The following COL2A1 variants were observed in gnomAD, a reference collection of about 807,000 sequenced individuals.
COL2A1 encodes collagen alpha-1(II) chain.
A neutral mutation model predicts 204.5 loss-of-function variants in COL2A1; 28 were observed. The observed-to-expected ratio is 0.14, with a 90% confidence interval of 0.10 to 0.19. COL2A1 has a LOEUF of 0.19. Ranked by LOEUF, COL2A1 falls within the 10% of genes least tolerant of loss-of-function variation. COL2A1 has a pLI of 1.00. For synonymous variants in COL2A1, 708 were observed against 718.7 expected (o/e 0.99, Z 0.24); for missense variants, 1,388 against 2,027.5 (o/e 0.68, Z 6.06).
In COL2A1 at chr12:47,983,390, C is replaced by T; in HGVS notation, c.2044G>A (p.Asp682Asn). 6.2e-7 allele frequency: 1 copy of T among 1,614,092 alleles called. No homozygotes were observed. The highest frequency in any genetic ancestry group is 1.3e-5 in the African/African-American group (1 of 75,060). The change falls in exon 31 of 54, where the codon GAC becomes AAC. Residue 682 changes from aspartate (D) to asparagine (N), a missense_variant. Coordinates refer to ENST00000380518, the MANE Select transcript of COL2A1 (RefSeq NM_001844.5). ...CCAAAGAGCCCCATACTCACCTGGT[C>T]ACCTGGTTTTCCACCTTCACCTGGG... ...GPPGEGGKPG[D>N]QGVPGEAGAP...
rs1257570365 is a variant in COL2A1 at position 47,978,433 on chromosome 12, G to T, written c.2896-35C>A. 1 of 1,604,236 alleles carries T rather than the reference G, an allele frequency of 6.2e-7. No individual in the cohort carries two copies. The stretch of plus-strand genomic sequence containing the variant: ...GAGAGGCAGGAGATGAGAACTGACA[G>T]TGGCCCAGCCTCTTCTGTCCTCTCA... On this transcript the variant is annotated intron_variant, in intron 42 of 53. Coordinates refer to ENST00000380518, the MANE Select transcript of COL2A1 (RefSeq NM_001844.5). The surrounding 1 kb of genome is among the most constrained non-coding windows in gnomAD (Gnocchi z 5.5).
chr12:47,979,885 G>C (rs1033346537), intron 40 of COL2A1, 124 bp downstream of exon 40: 16 of 905,308 alleles, frequency 1.8e-5, no homozygotes, highest in Non-Finnish European at 2.7e-5. Flanking sequence ...GGTGGGCTTA[G>C]GCTGGGGACC....
intron 3 of COL2A1, 51 bp from the exon 4 acceptor site, chr12:47,998,252 C>A (rs1430500321): frequency 6.2e-7 from 1 of 1,613,262 alleles, no homozygotes; most frequent in South Asian, 1.1e-5. Flanking sequence ...CACTAAGCCC[C>A]TAGTCTAAAA....
chr12:48,005,009 G>C (rs967531108), upstream of COL2A1, among the ~76,000 whole-genome samples: 1 of 152,310 alleles, frequency 6.6e-6, no homozygotes, highest in Middle Eastern at 3.4e-3. Flanking sequence ...TTGGAGACAG[G>C]CTAGCTGAGC....
In COL2A1 at chr12:47,978,893, C is replaced by G. The variant is rs1173110118; in HGVS notation, c.2734-135G>C. On this transcript the variant is annotated intron_variant, in intron 41 of 53. Coordinates refer to ENST00000380518, the MANE Select transcript of COL2A1 (RefSeq NM_001844.5). The surrounding 1 kb of genome is among the most constrained non-coding windows in gnomAD (Gnocchi z 5.5). Reference sequence around the variant, plus strand: ...ACCTCCCCACACTAAGGGCAGGCAGCTTAACCCCCCCAACCCCAATCTACC... The same window carrying G: ...ACCTCCCCACACTAAGGGCAGGCAGGTTAACCCCCCCAACCCCAATCTACC... The G allele has an allele frequency of 2.4e-5, 21 of 891,460 alleles. No homozygotes were observed. Among genetic ancestry groups the G allele is most frequent in the Non-Finnish European group, 3.6e-5 (20 of 561,666 alleles). The allele number at this position is 891,460 out of a possible 1,614,324, so 55.2% of individuals were successfully genotyped here.
intron 14 of COL2A1, 141 bp from the exon 15 acceptor site, chr12:47,993,643 C>G (rs1056681469): frequency 1.9e-6 from 2 of 1,076,878 alleles, no homozygotes; most frequent in African/African-American, 3.1e-5. Flanking sequence ...ATGCCCTGAG[C>G]TCTCCAGGCC....
intron 5 of COL2A1, 31 bp from the exon 6 acceptor site, chr12:47,997,955 C>T: frequency 6.2e-7 from 1 of 1,614,164 alleles, no homozygotes; most frequent in Non-Finnish European, 8.5e-7. Flanking sequence ...AAGATGACAG[C>T]AAGGCCAGGA....
intron 3 of COL2A1, 39 bp downstream of exon 3, chr12:47,998,376 C>CA (rs745936878): frequency 3.2e-6 from 5 of 1,570,482 alleles, no homozygotes; most frequent in South Asian, 2.3e-5. Flanking sequence ...AATATAAAGC[C>CA]AAAAAAATAT....
chr12:47,994,654 C>A (rs978173474), intron 11 of COL2A1, among the ~76,000 whole-genome samples, 177 bp from the exon 12 acceptor site: 5 of 152,224 alleles, frequency 3.3e-5, no homozygotes, highest in African/African-American at 9.6e-5. Context: ...ACCATTTATT[C>A]TTTTGGACAC....
chr12:47,985,150 C>T, intron 26 of COL2A1, 57 bp from the exon 27 acceptor site: 1 of 1,410,442 alleles, frequency 7.1e-7, no homozygotes, highest in South Asian at 1.2e-5. Flanking sequence ...TCCATCCACC[C>T]AACATCCACT....
rs1938982800 is a variant in COL2A1 at position 47,980,318 on chromosome 12, C to G, written c.2625+236G>C. Among the ~76,000 whole-genome samples, 1 of 152,162 alleles carries G rather than the reference C, an allele frequency of 6.6e-6. No individual in the cohort carries two copies. Among genetic ancestry groups the G allele is most frequent in the Non-Finnish European group, 1.5e-5 (1 of 68,000 alleles). The stretch of plus-strand genomic sequence containing the variant: ...CCCGGGAAGCTCTTCCTGCCACCGC[C>G]CCCTCCTCCCCAGGAGATCAGCAGC... On this transcript the variant is annotated intron_variant, in intron 39 of 53. Coordinates refer to ENST00000380518, the MANE Select transcript of COL2A1 (RefSeq NM_001844.5). The surrounding 1 kb of genome is among the most constrained non-coding windows in gnomAD (Gnocchi z 4.5).
At chr12:47,986,958 T>C in intron 21 of COL2A1, 70 bp from the exon 22 acceptor site, 1 of 1,603,566 alleles carries the variant, frequency 6.2e-7, no homozygotes, top group Non-Finnish European at 8.5e-7. Context: ...GAACCCCTGT[T>C]CAAGATGCCC....
chr12:47,995,338 T>C, intron 10 of COL2A1, 30 bp from the exon 11 acceptor site: 2 of 1,585,070 alleles, frequency 1.3e-6, no homozygotes, highest in Non-Finnish European at 1.7e-6. Flanking sequence ...GTTTAAGAGA[T>C]GGTTATAGTG....
At chr12:47,989,886 C>T (rs143136102) in intron 16 of COL2A1, 81 bp from the exon 17 acceptor site, 39 of 1,373,774 alleles carry the variant, frequency 2.8e-5, no homozygotes, top group African/African-American at 2.0e-4. Flanking sequence ...TTACAGAAAA[C>T]GAAGGACACA....
In COL2A1 at chr12:47,986,902, G is replaced by T; in HGVS notation, c.1366-14C>A. 1 of 1,614,126 alleles carries T rather than the reference G, an allele frequency of 6.2e-7. No individual in the cohort carries two copies. On this transcript the variant is annotated splice_polypyrimidine_tract_variant and intron_variant, in intron 21 of 53. Transcript: ENST00000380518. ...ACCAGGTTCACCCTTGAAAAGAGAG[G>T]CAGGTCCTCACACCAGATTCTCTCC... is the stretch of plus-strand genomic sequence containing the variant.
At chr12:47,991,465 C>G (rs530619511) in intron 16 of COL2A1, among the ~76,000 whole-genome samples, 1 of 152,154 alleles carries the variant, frequency 6.6e-6, no homozygotes, top group Non-Finnish European at 1.5e-5. Context: ...CTGCACAGCC[C>G]CCTTCTGGAA....
At chr12:47,984,452 G>C in intron 28 of COL2A1, 94 bp downstream of exon 28, 2 of 1,311,088 alleles carry the variant, frequency 1.5e-6, no homozygotes, top group Non-Finnish European at 2.2e-6. Context: ...ATACTGAGGG[G>C]TCCCGGGACC....
Position 47,972,981 on chromosome 12 carries a change from C to A in COL2A1, c.*426G>T. 2.0e-6 allele frequency: 1 copy of A among 494,834 alleles called. No homozygotes were observed. Among genetic ancestry groups the A allele is most frequent in the Non-Finnish European group, 3.5e-6 (1 of 283,316 alleles). The allele number at this position is 494,834 out of a possible 1,614,324, so 30.7% of individuals were successfully genotyped here. A position where few individuals can be genotyped will look rare whatever the true frequency, so the allele number is the denominator to read the frequency against. On this transcript the variant is annotated 3_prime_UTR_variant, in exon 54 of 54. Transcript: ENST00000380518. The stretch of plus-strand genomic sequence containing the variant: ...AAGTCAATATGTACTTTCCAATAAT[C>A]TTTTCATTTTTAATATCAATTGATG...
At chr12:47,989,605 T>C (rs191920660) in intron 17 of COL2A1, among the ~76,000 whole-genome samples, 156 bp downstream of exon 17, 79 of 152,342 alleles carry the variant, frequency 5.2e-4, no homozygotes, top group African/African-American at 1.8e-3. Context: ...ATATGCTCAA[T>C]TGATATTTAC....
Sources: gnomAD v4.1 joint callset for allele counts (sites outside exome capture counted in the v4.1 genomes callset) on GRCh38, gnomAD v4.1.1 for gene constraint, Gnocchi (gnomAD v3.1) non-coding constraint, MANE v1.5 for transcripts, NCBI Gene and HGNC (gene_info 2026-07-23, HGNC 2026-07-21) for gene names.